The following ZDHHC17 variants were observed in gnomAD, a reference collection of about 807,000 sequenced individuals.
ZDHHC17 encodes the protein zDHHC palmitoyltransferase 17, also known as palmitoyltransferase ZDHHC17.
In ZDHHC17, 40 loss-of-function variants were observed where a neutral mutation model predicts 90.3. The observed-to-expected ratio is 0.44, with a 90% CI of 0.34 to 0.58. The LOEUF is 0.58. Ranked by LOEUF, ZDHHC17 falls within the 20% of genes least tolerant of loss-of-function variation. ZDHHC17 has a pLI of 0.01. For synonymous variants in ZDHHC17, 235 were observed against 252.4 expected (o/e 0.93, Z 0.65); for missense variants, 614 against 780.8 (o/e 0.79, Z 2.55).
rs200285613 is a variant in ZDHHC17 at position 76,805,308 on chromosome 12, C to G, written c.198-9C>G. The stretch of plus-strand genomic sequence containing the variant: ...ATAATAACAATGCCATATTTTCTTT[C>G]TTTTCTAGATATGGAATATATGAAC... On this transcript the variant is annotated splice_polypyrimidine_tract_variant and intron_variant, in intron 2 of 16. Transcript: ENST00000426126. 1 of 1,583,162 alleles carries G rather than the reference C, an allele frequency of 6.3e-7. No individual in the cohort carries two copies. The highest frequency in any genetic ancestry group is 8.6e-7 in the Non-Finnish European group (1 of 1,162,140).
intron 1 of ZDHHC17, among the ~76,000 whole-genome samples, chr12:76,776,345 T>A (rs1473952187): frequency 6.6e-6 from 1 of 152,126 alleles, no homozygotes; most frequent in Non-Finnish European, 1.5e-5. Flanking sequence ...GGATATATAG[T>A]TCATGGTGAA....
intron 13 of ZDHHC17, 81 bp downstream of exon 13, chr12:76,845,883 C>G: frequency 2.7e-6 from 2 of 748,426 alleles, no homozygotes; most frequent in Admixed American, 4.7e-5. Context: ...TTAAAGTAGG[C>G]AATAGAAAGT....
At position 76,797,418 on chromosome 12, in the gene ZDHHC17, A is replaced by T. The variant is rs778487944; in HGVS notation, c.94-16A>T. On this transcript the variant is annotated splice_polypyrimidine_tract_variant and intron_variant, in intron 1 of 16. Coordinates refer to ENST00000426126, the MANE Select transcript of ZDHHC17 (RefSeq NM_015336.4). The stretch of plus-strand genomic sequence containing the variant: ...TTTTTTCAATTCTTGCCTGTGTGTG[A>T]TTTTCTTTTTAACAGGAAATCAAAC... The T allele has an allele frequency of 3.0e-5, 48 of 1,580,698 alleles. No homozygotes were observed. The Admixed American group carries it at 8.7e-4, about 29-fold the overall frequency.
At chr12:76,848,117 C>T in intron 14 of ZDHHC17, 116 bp from the exon 15 acceptor site, 1 of 998,444 alleles carries the variant, frequency 1.0e-6, no homozygotes, top group Non-Finnish European at 1.4e-6. Context: ...TATTGAATGT[C>T]ATCAGTTAAA....
chr12:76,773,297 G>A (rs1002117055), intron 1 of ZDHHC17, among the ~76,000 whole-genome samples: 6 of 151,974 alleles, frequency 3.9e-5, no homozygotes, highest in African/African-American at 4.8e-5. Context: ...TGTCTCTTTA[G>A]TTTTGTTTTT....
intron 5 of ZDHHC17, among the ~76,000 whole-genome samples, chr12:76,810,461 A>T (rs1953006339): frequency 6.6e-6 from 1 of 152,226 alleles, no homozygotes; most frequent in Non-Finnish European, 1.5e-5. Flanking sequence ...TTATATTTGA[A>T]CATTAATTTT....
At chr12:76,837,197 G>A (rs1040480129) in intron 10 of ZDHHC17, among the ~76,000 whole-genome samples, 4 of 152,094 alleles carry the variant, frequency 2.6e-5, no homozygotes, top group Middle Eastern at 3.2e-3. Context: ...GTGCAGTGGC[G>A]TGATCTTGAT....
rs1953491538 is a variant in ZDHHC17, at chr12:76,846,043, A to G, written c.1423+241A>G. 2.0e-5 allele frequency among the ~76,000 whole-genome samples: 3 copies of G among 152,232 alleles called. No individual in the cohort carries two copies. In the South Asian group the frequency reaches 6.2e-4, roughly 32 times the overall value. On this transcript the variant is annotated intron_variant, in intron 13 of 16. Transcript: ENST00000426126. The stretch of plus-strand genomic sequence containing the variant: ...GGTGCCTACTCTTGATAAGGAGGCA[A>G]AATTTTTTTTTTCTAGTTAAACTAG...
chr12:76,840,317 T>C (rs1953417423), intron 10 of ZDHHC17: 2 of 151,912 alleles, frequency 1.3e-5, no homozygotes, highest in Admixed American at 6.6e-5. Context: ...CATATATTCA[T>C]AGAGTGTGCC....
intron 9 of ZDHHC17, among the ~76,000 whole-genome samples, chr12:76,828,123 T>C (rs1953251687): frequency 6.6e-6 from 1 of 152,066 alleles, no homozygotes; most frequent in African/African-American, 2.4e-5. Flanking sequence ...TTTAAGAGAA[T>C]AGGAGTGCGC....
In ZDHHC17 at chr12:76,832,696, A is replaced by T. The variant is rs191823834; in HGVS notation, c.1141+4206A>T. Among the ~76,000 whole-genome samples the T allele has an allele frequency of 6.6e-4, 101 of 152,342 alleles. 1 individual carries two copies. The highest frequency in any genetic ancestry group is 2.1e-3 in the African/African-American group (88 of 41,572). On this transcript the variant is annotated intron_variant, in intron 10 of 16. Coordinates refer to ENST00000426126, the MANE Select transcript of ZDHHC17 (RefSeq NM_015336.4). Reference sequence around the variant, plus strand: ...GTATTTTTTCTGTAAAGCACATCACAGCCTCCTTGTGCTTAAGAGCGTGAT... The same window carrying T: ...GTATTTTTTCTGTAAAGCACATCACTGCCTCCTTGTGCTTAAGAGCGTGAT...
rs1953582228 is a variant in ZDHHC17, at chr12:76,852,886, A to G, written c.*1901A>G. On this transcript the variant is annotated 3_prime_UTR_variant, in exon 17 of 17. Transcript: ENST00000426126. ...AAATGTCAGCTAGTTTTGACTACTA[A>G]TTGGGGGAAATTTTAGATAATTTTT... 6.6e-6 allele frequency: 1 copy of G among 152,630 alleles called. No homozygotes were observed. The highest frequency in any genetic ancestry group is 6.5e-5 in the Admixed American group (1 of 15,274). The allele number at this position is 152,630 out of a possible 1,614,324, so 9.5% of individuals were successfully genotyped here. A position where few individuals can be genotyped will look rare whatever the true frequency, so the allele number is the denominator to read the frequency against.
rs187617854 is a variant in ZDHHC17 at position 76,831,733 on chromosome 12, A to C, written c.1141+3243A>C. Among the ~76,000 whole-genome samples, 85 of 151,830 alleles carry C rather than the reference A, an allele frequency of 5.6e-4. No homozygotes were observed. In the Middle Eastern group the frequency reaches 0.01, roughly 18 times the overall value. On this transcript the variant is annotated intron_variant, in intron 10 of 16. Transcript: ENST00000426126. ...ACAATCATGGCTCACTGCTGCCTCA[A>C]CCTCCCAGGCTCAGGTGATCCTCCC...
intron 10 of ZDHHC17, among the ~76,000 whole-genome samples, chr12:76,830,711 A>G (rs1324023965): frequency 6.6e-6 from 1 of 152,182 alleles, no homozygotes; most frequent in African/African-American, 2.4e-5. Flanking sequence ...TAAATTGGAC[A>G]TTAAAGTTTA....
At chr12:76,806,665 G>A (rs1040105827) in intron 3 of ZDHHC17, among the ~76,000 whole-genome samples, 1 of 152,068 alleles carries the variant, frequency 6.6e-6, no homozygotes, top group African/African-American at 2.4e-5. Flanking sequence ...GTGAGCCACT[G>A]TGCCTGGCCC....
intron 8 of ZDHHC17, among the ~76,000 whole-genome samples, chr12:76,826,024 G>A (rs1243929792): frequency 6.6e-6 from 1 of 152,000 alleles, no homozygotes; most frequent in Non-Finnish European, 1.5e-5. Context: ...TTGCCATGTT[G>A]CCCAGGCTGC....
At chr12:76,790,355 A>G (rs1001759145) in intron 1 of ZDHHC17, among the ~76,000 whole-genome samples, 1 of 152,066 alleles carries the variant, frequency 6.6e-6, no homozygotes, top group Admixed American at 6.5e-5. Flanking sequence ...TACAAAAATT[A>G]GCTGGGCTTA....
chr12:76,800,885 CT>C (rs71085458), intron 2 of ZDHHC17, among the ~76,000 whole-genome samples: 1,546 of 108,036 alleles, frequency 0.014, 9 homozygotes, highest in Non-Finnish European at 0.019. Context: ...TTTGCCATTT[CT>C]TTTTTTTTTT....
At chr12:76,840,497 T>A (rs1253627858) in intron 10 of ZDHHC17, 2 of 152,164 alleles carry the variant, frequency 1.3e-5, no homozygotes, top group African/African-American at 4.8e-5. Context: ...TGTACCACCA[T>A]GCCTGGCTAA....
Sources: allele counts gnomAD v4.1 joint callset (sites outside exome capture counted in the v4.1 genomes callset), GRCh38; gene constraint gnomAD v4.1.1; transcripts MANE v1.5; gene names NCBI Gene and HGNC (gene_info 2026-07-23, HGNC 2026-07-21).